SLC11A2: variants seen among roughly 807,000 people sequenced by gnomAD.
SLC11A2 encodes the protein natural resistance-associated macrophage protein 2.
In SLC11A2, 38 loss-of-function variants were observed where a neutral mutation model predicts 68.0. That is an observed-to-expected ratio of 0.56 (90% CI 0.43 to 0.73). The LOEUF is 0.73. SLC11A2 is among the 30% of genes least tolerant of loss of function. The pLI is 0.00. For synonymous variants in SLC11A2, 242 were observed against 250.6 expected, an observed-to-expected ratio of 0.97 and a Z score of 0.32; for missense variants, 517 against 690.5, an observed-to-expected ratio of 0.75 and a Z score of 2.82.
the SLC11A2 span, chr12:50,954,137 A>G: frequency 1.7e-6 from 2 of 1,145,824 alleles, no homozygotes; most frequent in Non-Finnish European, 2.6e-6. Context: ...TAATAACACA[A>G]TGATGCCTTA....
the SLC11A2 span, among the ~76,000 whole-genome samples, chr12:50,953,641 G>A: frequency 6.6e-6 from 1 of 152,212 alleles, no homozygotes; most frequent in African/African-American, 2.4e-5. Flanking sequence ...AAGAAAATGT[G>A]TTCTTCAAAT....
chr12:50,989,204 T>C (rs1459928875), intron 15 of SLC11A2, among the ~76,000 whole-genome samples: 1 of 152,138 alleles, frequency 6.6e-6, no homozygotes, highest in African/African-American at 2.4e-5. Context: ...AAAATGGGTC[T>C]TCAAGCCAGA....
intron 5 of SLC11A2, 188 bp from the exon 6 acceptor site, chr12:51,000,607 GAA>G: frequency 1.6e-6 from 1 of 619,826 alleles, no homozygotes; most frequent in Non-Finnish European, 2.9e-6. Context: ...CCTGGAGAAG[GAA>G]AAGTGTGCTA....
chr12:51,022,865 G>A (rs1454477895), intron 1 of SLC11A2, among the ~76,000 whole-genome samples: 1 of 151,998 alleles, frequency 6.6e-6, no homozygotes, highest in Non-Finnish European at 1.5e-5. Flanking sequence ...ATGACTTATC[G>A]GCAATAAGCA....
chr12:50,992,421 A>C, intron 12 of SLC11A2, 82 bp from the exon 13 acceptor site: 1 of 1,317,260 alleles, frequency 7.6e-7, no homozygotes, highest in South Asian at 1.2e-5. Context: ...GAGACCTCAG[A>C]AGAATGGGAT....
intron 1 of SLC11A2, among the ~76,000 whole-genome samples, chr12:51,021,390 C>T (rs569634922): frequency 7.0e-4 from 106 of 152,272 alleles, no homozygotes; most frequent in African/African-American, 2.5e-3. Context: ...CTTTGGGAGG[C>T]AGAGGCAGGT....
At chr12:50,970,411 A>C in the SLC11A2 span, 3 of 1,072,540 alleles carry the variant, frequency 2.8e-6, no homozygotes, top group Admixed American at 6.2e-5. Flanking sequence ...TCCCATGGAT[A>C]CTCAATTGAT....
At position 51,004,837 on chromosome 12, in the gene SLC11A2, A is replaced by G. The variant is rs778392950; in HGVS notation, c.380T>C (p.Val127Ala). The G allele has an allele frequency of 6.2e-7, 1 of 1,613,988 alleles. No homozygotes were observed. Among genetic ancestry groups the G allele is most frequent in the Non-Finnish European group, 8.5e-7 (1 of 1,179,958 alleles). Residue 127 changes from valine to alanine, a missense_variant, in exon 5 of 16, where the codon GTG becomes GCG. Transcript: ENST00000262052. The part of the protein sequence containing the change: ...LLQRLAARLG[V>A]VTGLHLAEVC... ...TTCAGCAAGATGCAGCCCAGTAACC[A>G]CTCCCAGTCTAGCTGCAAGCCGCTG...
the SLC11A2 span, among the ~76,000 whole-genome samples, chr12:50,954,770 C>G: frequency 3.3e-5 from 5 of 152,228 alleles, no homozygotes; most frequent in East Asian, 9.6e-4. Context: ...ACTTCTGCAT[C>G]TAATGTTTTT....
At chr12:50,997,918 T>G (rs1592348558) in intron 8 of SLC11A2, among the ~76,000 whole-genome samples, 1 of 140,648 alleles carries the variant, frequency 7.1e-6, no homozygotes, top group Non-Finnish European at 1.5e-5. Context: ...AACCTGGGGG[T>G]GGAAGTTGCA....
chr12:50,964,045 A>T, the SLC11A2 span, among the ~76,000 whole-genome samples: 1 of 152,208 alleles, frequency 6.6e-6, no homozygotes, highest in East Asian at 1.9e-4. Context: ...GAGCTGAATC[A>T]CATTCCCCTT....
rs547298009 is a variant in SLC11A2, at chr12:50,993,082, G to A, written c.1078-153C>T. The stretch of plus-strand genomic sequence containing the variant: ...GCACTGTGCCAGAAGCTAGGCTCAA[G>A]TCTGGACCTCATTCCAGAAGCTTTC... On this transcript the variant is annotated intron_variant, in intron 11 of 15. Transcript: ENST00000262052. The A allele has an allele frequency of 8.9e-4, 770 of 865,444 alleles. 2 individuals are homozygous for A. Among genetic ancestry groups the A allele is most frequent in the Non-Finnish European group, 1.3e-3 (692 of 538,118 alleles). The allele number at this position is 865,444 out of a possible 1,614,324, so 53.6% of individuals were successfully genotyped here.
chr12:50,953,878 C>T, the SLC11A2 span: 1 of 602,078 alleles, frequency 1.7e-6, no homozygotes, highest in East Asian at 2.8e-5. Flanking sequence ...AGCAGATAGG[C>T]TTATCAAACA....
chr12:50,969,164 C>T, the SLC11A2 span, among the ~76,000 whole-genome samples: 2 of 151,394 alleles, frequency 1.3e-5, no homozygotes, highest in Non-Finnish European at 2.9e-5. Flanking sequence ...TGTGGTGGCG[C>T]ACACCTATAG....
chr12:50,968,657 T>A, the SLC11A2 span, among the ~76,000 whole-genome samples: 2 of 152,096 alleles, frequency 1.3e-5, no homozygotes, highest in African/African-American at 4.8e-5. Flanking sequence ...TTCTCCTCAC[T>A]TTGCCTCCTG....
chr12:50,962,275 G>A, the SLC11A2 span, among the ~76,000 whole-genome samples: 27 of 151,578 alleles, frequency 1.8e-4, no homozygotes, highest in East Asian at 5.1e-3. Flanking sequence ...TGGGTGTGGT[G>A]GCACATGCCT....
chr12:50,954,469 T>A, the SLC11A2 span: 1 of 161,058 alleles, frequency 6.2e-6, no homozygotes, highest in South Asian at 2.0e-4. Context: ...TTGAGATGCA[T>A]ATGTCTCTTT....
chr12:50,969,911 AT>A, the SLC11A2 span, among the ~76,000 whole-genome samples: 1 of 152,022 alleles, frequency 6.6e-6, no homozygotes, highest in Non-Finnish European at 1.5e-5. Flanking sequence ...CTTGGAACTC[AT>A]TAAAGCAGCT....
chr12:50,972,122 C>A, the SLC11A2 span, among the ~76,000 whole-genome samples: 374 of 152,312 alleles, frequency 2.5e-3, 2 homozygotes, highest in African/African-American at 8.4e-3. Flanking sequence ...CTGAGGACAG[C>A]TGGCATGGAA....
Sources: gnomAD v4.1 joint callset for allele counts (sites outside exome capture counted in the v4.1 genomes callset) on GRCh38, gnomAD v4.1.1 for gene constraint, MANE v1.5 for transcripts, NCBI Gene and HGNC (gene_info 2026-07-23, HGNC 2026-07-21) for gene names.